The following DIS3L2 variants were observed in gnomAD, a reference collection of about 807,000 sequenced individuals.
DIS3L2 encodes DIS3 like 3'-5' exoribonuclease 2.
In DIS3L2, 34 loss-of-function variants were observed where a neutral mutation model predicts 97.5. The ratio of observed to expected loss-of-function variants is 0.35; its 90% confidence interval spans 0.27 to 0.46. The LOEUF is 0.46. DIS3L2 is among the 20% of genes least tolerant of loss of function. DIS3L2 has a pLI of 1.00. For missense variants in DIS3L2, 1,038 were observed against 1,146.0 expected (o/e 0.91, Z 1.36); for synonymous variants, 435 against 445.2 (o/e 0.98, Z 0.29).
chr2:231,997,753 T>C (rs1693769507), intron 1 of DIS3L2, among the ~76,000 whole-genome samples: 1 of 152,242 alleles, frequency 6.6e-6, no homozygotes, highest in Non-Finnish European at 1.5e-5. Flanking sequence ...GTTAATATTT[T>C]ACCACATTTG....
At chr2:232,116,658 C>A (rs1056475735) in intron 6 of DIS3L2, among the ~76,000 whole-genome samples, 1 of 152,148 alleles carries the variant, frequency 6.6e-6, no homozygotes, top group Non-Finnish European at 1.5e-5. Flanking sequence ...TCTAGCCAAG[C>A]CTATTGGCTA....
At chr2:232,205,091 T>TG (rs1691992946) in intron 9 of DIS3L2, among the ~76,000 whole-genome samples, 1 of 152,088 alleles carries the variant, frequency 6.6e-6, no homozygotes, top group African/African-American at 2.4e-5. Flanking sequence ...TAGTCTAGGC[T>TG]GCATCTTTCT....
At chr2:232,329,788 C>CGGGGCA in intron 14 of DIS3L2, 25 bp from the exon 15 acceptor site, 2 of 1,080,632 alleles carry the variant, frequency 1.9e-6, no homozygotes, top group Non-Finnish European at 2.5e-6. Flanking sequence ...CCAGCGGTCC[C>CGGGGCA]TCCCATCCCA....
intron 9 of DIS3L2, among the ~76,000 whole-genome samples, chr2:232,202,416 A>G (rs1418804108): frequency 6.6e-6 from 1 of 152,224 alleles, no homozygotes; most frequent in African/African-American, 2.4e-5. Context: ...CAAACAGAAA[A>G]AAAACATAGA....
At chr2:232,048,673 A>G (rs954228569) in intron 5 of DIS3L2, among the ~76,000 whole-genome samples, 6 of 151,920 alleles carry the variant, frequency 3.9e-5, no homozygotes, top group African/African-American at 1.5e-4. Flanking sequence ...TGGAGCTTGC[A>G]GTGAGCCCAG....
chr2:232,116,175 TAAATAAATGAA>T (rs1697700811), intron 6 of DIS3L2, among the ~76,000 whole-genome samples: 1 of 40,888 alleles, frequency 2.4e-5, no homozygotes, highest in Non-Finnish European at 5.4e-5. Flanking sequence ...TGGTCTTAAA[TAAATAAATGAA>T]TAAATAAATA....
At chr2:232,155,787 G>T (rs1690475439) in intron 8 of DIS3L2, among the ~76,000 whole-genome samples, 2 of 151,998 alleles carry the variant, frequency 1.3e-5, no homozygotes, top group Non-Finnish European at 1.5e-5. Context: ...TCAGGAGATT[G>T]AGACTATCCT....
At chr2:232,139,649 T>C (rs951110048) in intron 8 of DIS3L2, among the ~76,000 whole-genome samples, 1 of 152,108 alleles carries the variant, frequency 6.6e-6, no homozygotes, top group African/African-American at 2.4e-5. Flanking sequence ...TTCCATAGAA[T>C]AGAATAATTT....
At chr2:232,156,494 G>GA (rs1047204041) in intron 8 of DIS3L2, among the ~76,000 whole-genome samples, 1 of 145,996 alleles carries the variant, frequency 6.8e-6, no homozygotes, top group Non-Finnish European at 1.5e-5. Context: ...TTAAATGTGG[G>GA]TTTTTTTTTT....
chr2:232,176,924 T>A (rs1050283821), intron 9 of DIS3L2, among the ~76,000 whole-genome samples: 10 of 147,886 alleles, frequency 6.8e-5, no homozygotes, highest in African/African-American at 2.5e-4. Flanking sequence ...CATCTAGCAT[T>A]AGGTATATCT....
At chr2:232,143,272 C>G (rs1690118580) in intron 8 of DIS3L2, among the ~76,000 whole-genome samples, 1 of 152,022 alleles carries the variant, frequency 6.6e-6, no homozygotes, top group Admixed American at 6.6e-5. Context: ...TTATATGTTT[C>G]CCAAGGCCCC....
At chr2:232,226,835 G>A (rs1039567969) in intron 10 of DIS3L2, among the ~76,000 whole-genome samples, 2 of 152,144 alleles carry the variant, frequency 1.3e-5, no homozygotes, top group Non-Finnish European at 2.9e-5. Context: ...TGAGCATGAT[G>A]GTGCTTGCCT....
At chr2:232,182,278 T>C (rs1691306923) in intron 9 of DIS3L2, among the ~76,000 whole-genome samples, 2 of 152,232 alleles carry the variant, frequency 1.3e-5, no homozygotes, top group South Asian at 4.1e-4. Flanking sequence ...AATTCCATTC[T>C]ATTTTGGTCA....
chr2:232,288,429 C>T (rs1269932209), intron 13 of DIS3L2, among the ~76,000 whole-genome samples: 1 of 152,230 alleles, frequency 6.6e-6, no homozygotes, highest in African/African-American at 2.4e-5. Context: ...AAGTGTCTCA[C>T]ATTCACCCGT....
chr2:232,240,597 G>A (rs965014638), intron 11 of DIS3L2, among the ~76,000 whole-genome samples: 6 of 152,278 alleles, frequency 3.9e-5, no homozygotes, highest in South Asian at 4.1e-4. Flanking sequence ...TGTGTCAAAC[G>A]TACTGTGTCC....
chr2:232,017,042 G>T (rs925110938), intron 3 of DIS3L2, among the ~76,000 whole-genome samples: 2 of 151,270 alleles, frequency 1.3e-5, no homozygotes, highest in Admixed American at 6.6e-5. Context: ...TTTAAAAAAT[G>T]AGTTGGTTTT....
intron 5 of DIS3L2, among the ~76,000 whole-genome samples, chr2:232,040,173 AAG>A (rs748247958): frequency 3.3e-5 from 5 of 152,186 alleles, no homozygotes; most frequent in African/African-American, 4.8e-5. Flanking sequence ...GGAATAGAGA[AAG>A]AGAGAGGATT....
intron 14 of DIS3L2, among the ~76,000 whole-genome samples, chr2:232,321,196 G>T (rs1391473854): frequency 6.6e-6 from 1 of 152,162 alleles, no homozygotes; most frequent in Admixed American, 6.5e-5. Flanking sequence ...CCTGCGGGGG[G>T]CCAGGGAGTG....
At chr2:232,039,460 A>G (rs1271474873) in intron 5 of DIS3L2, among the ~76,000 whole-genome samples, 2 of 152,122 alleles carry the variant, frequency 1.3e-5, no homozygotes, top group African/African-American at 4.8e-5. Flanking sequence ...TGGGTATGTA[A>G]ACTACAGGGC....
Sources: gnomAD v4.1 joint callset for allele counts (sites outside exome capture counted in the v4.1 genomes callset) on GRCh38, gnomAD v4.1.1 for gene constraint, MANE v1.5 for transcripts, NCBI Gene and HGNC (gene_info 2026-07-23, HGNC 2026-07-21) for gene names.